Variants in CRTAP observed in about 807,000 individuals in gnomAD.
CRTAP encodes the protein cartilage-associated protein.
Under a neutral mutation model 42.7 loss-of-function variants are expected in CRTAP, and 33 were observed. The ratio of observed to expected loss-of-function variants is 0.77; its 90% CI spans 0.59 to 1.03. The LOEUF is 1.03. CRTAP is among the 50% of genes least tolerant of loss of function. CRTAP has a pLI of 0.00. For missense variants in CRTAP, 613 were observed against 533.9 expected, an observed-to-expected ratio of 1.15 and a Z score of -1.46; for synonymous variants, 243 against 217.7, an observed-to-expected ratio of 1.12 and a Z score of -1.02.
At chr3:33,129,363 T>C (rs1438207337) in intron 3 of CRTAP, among the ~76,000 whole-genome samples, 1 of 152,164 alleles carries the variant, frequency 6.6e-6, no homozygotes, top group Admixed American at 6.5e-5. Context: ...TATTTCCTAA[T>C]TACAAAAGAG....
intron 3 of CRTAP, among the ~76,000 whole-genome samples, chr3:33,125,379 C>T (rs2030026937): frequency 6.6e-6 from 1 of 151,148 alleles, no homozygotes; most frequent in Non-Finnish European, 1.5e-5. Flanking sequence ...GTTAAAGGCC[C>T]TTAGAAATCC....
chr3:33,114,885 C>G (rs1701326238), intron 1 of CRTAP, among the ~76,000 whole-genome samples: 2 of 152,174 alleles, frequency 1.3e-5, no homozygotes, highest in African/African-American at 2.4e-5. Flanking sequence ...CGCCTTTTTT[C>G]TCAAGTGAGC....
intron 1 of CRTAP, among the ~76,000 whole-genome samples, chr3:33,116,153 C>T (rs1701340485): frequency 6.6e-6 from 1 of 152,110 alleles, no homozygotes; most frequent in East Asian, 1.9e-4. Flanking sequence ...CCTCTGATTT[C>T]TTTAATATAC....
chr3:33,127,727 C>T (rs1436459048), intron 3 of CRTAP, among the ~76,000 whole-genome samples: 1 of 151,320 alleles, frequency 6.6e-6, no homozygotes, highest in East Asian at 2.0e-4. Context: ...GGAGTACAGG[C>T]GTGAGCCACC....
chr3:33,130,894 G>A (rs927830198), intron 4 of CRTAP, among the ~76,000 whole-genome samples: 6 of 152,102 alleles, frequency 3.9e-5, no homozygotes, highest in African/African-American at 9.7e-5. Context: ...CAATCAGAAC[G>A]TTCTAGTGGA....
chr3:33,118,613 A>G (rs1404824433), intron 1 of CRTAP, among the ~76,000 whole-genome samples: 1 of 152,212 alleles, frequency 6.6e-6, no homozygotes, highest in East Asian at 1.9e-4. Context: ...AGGGTATACC[A>G]AATATTCCTT....
chr3:33,121,399 G>A (rs1275426742), intron 2 of CRTAP, among the ~76,000 whole-genome samples: 1 of 135,288 alleles, frequency 7.4e-6, no homozygotes, highest in Non-Finnish European at 1.5e-5. Context: ...GCGACAGAGC[G>A]AGACTCTGTC....
chr3:33,136,212 T>A (rs1350464054), intron 6 of CRTAP, among the ~76,000 whole-genome samples: 1 of 152,242 alleles, frequency 6.6e-6, no homozygotes, highest in African/African-American at 2.4e-5. Flanking sequence ...TTCAGCCATG[T>A]TGAACATGTT....
intron 4 of CRTAP, among the ~76,000 whole-genome samples, chr3:33,131,731 A>G (rs1266674257): frequency 6.6e-6 from 1 of 152,142 alleles, no homozygotes; most frequent in African/African-American, 2.4e-5. Flanking sequence ...TATTATTTAT[A>G]TTTGAAGAGT....
At chr3:33,124,238 A>G (rs1183424303) in intron 2 of CRTAP, among the ~76,000 whole-genome samples, 170 bp from the exon 3 acceptor site, 1 of 152,242 alleles carries the variant, frequency 6.6e-6, no homozygotes, top group East Asian at 1.9e-4. Flanking sequence ...AGCAAAGTAG[A>G]AAAATCTAGA....
At chr3:33,131,584 T>C (rs2030264563) in intron 4 of CRTAP, among the ~76,000 whole-genome samples, 1 of 152,186 alleles carries the variant, frequency 6.6e-6, no homozygotes, top group Admixed American at 6.5e-5. Context: ...CTATGCTTGC[T>C]GCTTCCCAGG....
At chr3:33,117,662 G>A (rs1701359968) in intron 1 of CRTAP, among the ~76,000 whole-genome samples, 1 of 152,166 alleles carries the variant, frequency 6.6e-6, no homozygotes, top group African/African-American at 2.4e-5. Context: ...TAACTCCCCG[G>A]AACCACAGGG....
In CRTAP at chr3:33,119,766, A is replaced by G. The variant is rs78487829; in HGVS notation, c.472-578A>G. Among the ~76,000 whole-genome samples the G allele has an allele frequency of 7.0e-3, 1,073 of 152,278 alleles. 11 individuals are homozygous for G. The highest frequency in any genetic ancestry group is 0.022 in the African/African-American group (908 of 41,540). ...CAAAGGTGTGTGCAGTGCATGGGGA[A>G]TCCACAAGAGATAGTGTTCTGCCAC... On this transcript the variant is annotated intron_variant, in intron 1 of 6. Coordinates refer to ENST00000320954, the MANE Select transcript of CRTAP (RefSeq NM_006371.5).
At chr3:33,125,504 T>G (rs574165132) in intron 3 of CRTAP, among the ~76,000 whole-genome samples, 6 of 146,574 alleles carry the variant, frequency 4.1e-5, no homozygotes, top group Middle Eastern at 3.4e-3. Flanking sequence ...TTTTTTTTTT[T>G]TTTTTTTTTT....
intron 6 of CRTAP, among the ~76,000 whole-genome samples, chr3:33,136,320 T>G (rs2030417999): frequency 6.6e-6 from 1 of 152,250 alleles, no homozygotes; most frequent in Admixed American, 6.5e-5. Context: ...TTTGGGTTGG[T>G]TCCACTTTTT....
At chr3:33,130,705 T>A (rs1030536867) in intron 4 of CRTAP, among the ~76,000 whole-genome samples, 2 of 151,932 alleles carry the variant, frequency 1.3e-5, no homozygotes, top group African/African-American at 4.8e-5. Context: ...GCTAATTTTT[T>A]GTAATTTTAG....
intron 3 of CRTAP, among the ~76,000 whole-genome samples, chr3:33,129,348 A>G (rs1350761987): frequency 5.9e-5 from 9 of 152,134 alleles, no homozygotes; most frequent in Admixed American, 5.2e-4. Flanking sequence ...TTTTGGGGGT[A>G]ATTGTATTTC....
intron 6 of CRTAP, among the ~76,000 whole-genome samples, chr3:33,142,111 C>T (rs1159212130): frequency 6.6e-6 from 1 of 152,158 alleles, no homozygotes; most frequent in Non-Finnish European, 1.5e-5. Context: ...CAGAGATGCA[C>T]ACAGGAGGGC....
In CRTAP at chr3:33,145,497, C is replaced by A. The variant is rs1243095427; in HGVS notation, c.*3049C>A. On this transcript the variant is annotated 3_prime_UTR_variant, in exon 7 of 7. Transcript: ENST00000320954. The surrounding 1 kb of genome is among the most constrained non-coding windows in gnomAD (Gnocchi z 4.3). ...TTTCCTCACCCCAACCTTTACTCCA[C>A]CAGAGAAACTTCCTTTTGAACTCAG... is the stretch of plus-strand genomic sequence containing the variant. 6.6e-6 allele frequency: 1 copy of A among 152,268 alleles called. No individual in the cohort carries two copies. The highest frequency in any genetic ancestry group is 1.5e-5 in the Non-Finnish European group (1 of 68,094). 9.4% of individuals were successfully genotyped at this position (152,268 alleles called of 1,614,324 possible).
Sources: allele counts gnomAD v4.1 joint callset (sites outside exome capture counted in the v4.1 genomes callset), GRCh38; gene constraint gnomAD v4.1.1; non-coding constraint Gnocchi (gnomAD v3.1); transcripts MANE v1.5; gene names NCBI Gene and HGNC (gene_info 2026-07-23, HGNC 2026-07-21).